The following HDAC4 variants were observed in gnomAD, a reference collection of about 807,000 sequenced individuals.
The protein encoded by HDAC4 is histone deacetylase 4, also known as histone deacetylase A.
A neutral mutation model predicts 135.1 loss-of-function variants in HDAC4; 16 were observed. The observed-to-expected ratio is 0.12, with a 90% CI of 0.08 to 0.18. The LOEUF is 0.18. HDAC4 is among the 10% of genes least tolerant of loss of function. The pLI is 1.00. For synonymous variants in HDAC4, 685 were observed against 653.4 expected (o/e 1.05, Z -0.74); for missense variants, 1,143 against 1,511.8 (o/e 0.76, Z 4.05).
rs2125110239 is a variant in HDAC4 at position 239,262,478 on chromosome 2, T to C, written c.23-25814A>G. Among the ~76,000 whole-genome samples, 1 of 152,286 alleles carries C rather than the reference T, an allele frequency of 6.6e-6. No individual in the cohort carries two copies. Among genetic ancestry groups the C allele is most frequent in the Middle Eastern group, 3.4e-3 (1 of 294 alleles). On this transcript the variant is annotated intron_variant, in intron 2 of 26. Coordinates refer to ENST00000543185, the MANE Select transcript of HDAC4 (RefSeq NM_001378414.1). The surrounding 1 kb of genome is among the most constrained non-coding windows in gnomAD (Gnocchi z 4.1). The stretch of plus-strand genomic sequence containing the variant: ...ATTTAATTAGAAACAGACGAGGATC[T>C]TCTCAAATCACCCTTGCCTTGTTTG...
chr2:239,333,192 T>C (rs1385861960), intron 2 of HDAC4, among the ~76,000 whole-genome samples: 1 of 152,110 alleles, frequency 6.6e-6, no homozygotes, highest in Non-Finnish European at 1.5e-5. Context: ...CTATGGCCCA[T>C]GGGCCAAGTA....
At chr2:239,274,474 G>A (rs1030042660) in intron 2 of HDAC4, among the ~76,000 whole-genome samples, 6 of 152,202 alleles carry the variant, frequency 3.9e-5, no homozygotes, top group Non-Finnish European at 8.8e-5. Context: ...ATGAGCCAGG[G>A]CGCCGCTGGT....
intron 2 of HDAC4, among the ~76,000 whole-genome samples, chr2:239,293,336 G>T (rs1200749038): frequency 1.3e-5 from 2 of 152,238 alleles, no homozygotes; most frequent in African/African-American, 4.8e-5. Flanking sequence ...GGTTTGACCA[G>T]GGCCTGTCCC....
At chr2:239,321,820 T>A (rs1397310886) in intron 2 of HDAC4, among the ~76,000 whole-genome samples, 1 of 152,186 alleles carries the variant, frequency 6.6e-6, no homozygotes, top group Admixed American at 6.5e-5. Flanking sequence ...ACTGGCTTCA[T>A]CATTCTCAGG....
intron 1 of HDAC4, among the ~76,000 whole-genome samples, chr2:239,389,535 G>T (rs191353698): frequency 6.6e-6 from 1 of 152,236 alleles, no homozygotes; most frequent in South Asian, 2.1e-4. Context: ...GTGGGACCAA[G>T]AACCCACTGG....
In HDAC4 at chr2:239,082,074, C is replaced by T. The variant is rs767613345; in HGVS notation, c.2652+28G>A. The T allele has an allele frequency of 1.4e-5, 23 of 1,613,306 alleles. No individual in the cohort carries two copies. In the South Asian group the frequency reaches 2.5e-4, roughly 18 times the overall value. Reference sequence around the variant, plus strand: ...CGGCTCCCCGCAGTCCCCCTTTCCCCCCAGAGGCCCTTATATACCCCACCT... The same window carrying T: ...CGGCTCCCCGCAGTCCCCCTTTCCCTCCAGAGGCCCTTATATACCCCACCT... On this transcript the variant is annotated intron_variant, in intron 21 of 26. Coordinates refer to ENST00000543185, the MANE Select transcript of HDAC4 (RefSeq NM_001378414.1).
At chr2:239,179,811 G>T (rs1036924129) in intron 4 of HDAC4, among the ~76,000 whole-genome samples, 2 of 152,250 alleles carry the variant, frequency 1.3e-5, no homozygotes, top group African/African-American at 4.8e-5. Flanking sequence ...GAGCCCACGC[G>T]GCGTGCTCAG....
intron 3 of HDAC4, among the ~76,000 whole-genome samples, chr2:239,218,249 C>T (rs993950602): frequency 1.3e-5 from 2 of 152,140 alleles, no homozygotes; most frequent in East Asian, 1.9e-4. Context: ...AAAACAAATC[C>T]ATACTGGTAC....
At chr2:239,080,603 G>A (rs1436304825) in intron 22 of HDAC4, among the ~76,000 whole-genome samples, 3 of 152,238 alleles carry the variant, frequency 2.0e-5, no homozygotes, top group Non-Finnish European at 4.4e-5. Flanking sequence ...GGCGCGCCCT[G>A]CGGCTAAATG....
chr2:239,139,608 A>G lies in HDAC4; in HGVS notation c.978+76T>C. On this transcript the variant is annotated intron_variant, in intron 9 of 26. Transcript: ENST00000543185. This position sits in a 1 kb window ranked among gnomAD's most constrained non-coding sequence, Gnocchi z 5.3. ...GGTGAAGAGTGAAGGGCAAGTGCAA[A>G]GTGGGGTCATTTCAAGCTCATCCGT... The G allele has an allele frequency of 3.1e-6, 4 of 1,308,702 alleles. No homozygotes were observed. In the South Asian group the frequency reaches 3.5e-5, roughly 12 times the overall value. 81.1% of individuals were successfully genotyped at this position (1,308,702 alleles called of 1,614,324 possible).
chr2:239,096,335 T>G (rs1278240188), intron 16 of HDAC4, among the ~76,000 whole-genome samples: 2 of 115,218 alleles, frequency 1.7e-5, no homozygotes, highest in Admixed American at 8.3e-5. Context: ...CCGCACCCCC[T>G]ACGGACGCCC....
chr2:239,081,771 G>A (rs894691117), intron 21 of HDAC4, among the ~76,000 whole-genome samples: 11 of 152,320 alleles, frequency 7.2e-5, no homozygotes, highest in African/African-American at 2.4e-4. Context: ...CCCCTTGCCG[G>A]AGGGTGTCCT....
chr2:239,079,252 A>G (rs190719672), intron 22 of HDAC4, among the ~76,000 whole-genome samples: 5 of 152,356 alleles, frequency 3.3e-5, no homozygotes, highest in Admixed American at 3.3e-4. Flanking sequence ...TGTCAACATT[A>G]CATTAAATCT....
chr2:239,168,189 A>G (rs901982426), intron 5 of HDAC4, among the ~76,000 whole-genome samples: 19 of 152,184 alleles, frequency 1.2e-4, no homozygotes, highest in African/African-American at 4.6e-4. Context: ...CGTCATTTTT[A>G]CACAGAGCAA....
At chr2:239,172,333 C>T (rs1417733736) in intron 5 of HDAC4, among the ~76,000 whole-genome samples, 1 of 144,558 alleles carries the variant, frequency 6.9e-6, no homozygotes, top group East Asian at 2.0e-4. Flanking sequence ...TAAAAACATA[C>T]ACTAAAGGCA....
chr2:239,392,011 C>A (rs1314623195), intron 1 of HDAC4, among the ~76,000 whole-genome samples: 1 of 152,220 alleles, frequency 6.6e-6, no homozygotes, highest in African/African-American at 2.4e-5. Context: ...AACTCCGAAG[C>A]CCAAAAGGTC....
intron 16 of HDAC4, among the ~76,000 whole-genome samples, chr2:239,100,865 C>T (rs1007407649): frequency 6.6e-6 from 1 of 152,054 alleles, no homozygotes; most frequent in Non-Finnish European, 1.5e-5. Context: ...CCAGGAAGCC[C>T]CTGTCTTCCA....
At chr2:239,369,401 C>T (rs2125999051) in intron 1 of HDAC4, among the ~76,000 whole-genome samples, 1 of 152,280 alleles carries the variant, frequency 6.6e-6, no homozygotes, top group South Asian at 2.1e-4. Flanking sequence ...CCAGAGACAG[C>T]CGCTTGGGCT....
intron 2 of HDAC4, among the ~76,000 whole-genome samples, chr2:239,249,255 A>C (rs1157650919): frequency 2.6e-5 from 4 of 152,208 alleles, no homozygotes; most frequent in Admixed American, 6.5e-5. Flanking sequence ...GCAGGTCCGA[A>C]GGCCATGGTA....
Sources: allele counts gnomAD v4.1 joint callset (sites outside exome capture counted in the v4.1 genomes callset), GRCh38; gene constraint gnomAD v4.1.1; non-coding constraint Gnocchi (gnomAD v3.1); transcripts MANE v1.5; gene names NCBI Gene and HGNC (gene_info 2026-07-23, HGNC 2026-07-21).